ALK: variants seen among roughly 807,000 people sequenced by gnomAD.
ALK encodes the protein ALK receptor tyrosine kinase, also known as ALK tyrosine kinase receptor.
A neutral mutation model predicts 163.1 loss-of-function variants in ALK; 74 were observed. The ratio of observed to expected loss-of-function variants is 0.45; its 90% confidence interval spans 0.38 to 0.55. The LOEUF is 0.55. Ranked by LOEUF, ALK falls within the 20% of genes least tolerant of loss-of-function variation. The pLI, the probability that ALK is intolerant of heterozygous loss-of-function variation, is 0.00. For missense variants in ALK, 2,063 were observed against 2,105.3 expected, an observed-to-expected ratio of 0.98 and a Z score of 0.39; for synonymous variants, 960 against 843.2, an observed-to-expected ratio of 1.14 and a Z score of -2.40.
chr2:29,389,022 T>C (rs1669097423), intron 4 of ALK, among the ~76,000 whole-genome samples: 1 of 152,226 alleles, frequency 6.6e-6, no homozygotes, highest in Non-Finnish European at 1.5e-5. Context: ...TGCATCTTCC[T>C]GTAGGACATG....
At chr2:29,546,455 C>G (rs1395401872) in intron 3 of ALK, among the ~76,000 whole-genome samples, 1 of 152,006 alleles carries the variant, frequency 6.6e-6, no homozygotes, top group African/African-American at 2.4e-5. Context: ...GAAAGGGGAA[C>G]AAAATGAAAA....
intron 11 of ALK, among the ~76,000 whole-genome samples, chr2:29,272,910 G>C (rs780659050): frequency 1.2e-4 from 18 of 152,182 alleles, no homozygotes; most frequent in Non-Finnish European, 1.8e-4. Context: ...TTCCAGCCTT[G>C]GGGCCCTTAA....
At chr2:29,598,365 TTTTGTTTG>T (rs10623988) in intron 3 of ALK, among the ~76,000 whole-genome samples, 75 of 151,544 alleles carry the variant, frequency 4.9e-4, no homozygotes, top group Non-Finnish European at 6.3e-4. Context: ...GTTGTTTGTT[TTTTGTTTG>T]TTTGTTTGTT....
chr2:29,208,730 T>A (rs1669381705), intron 25 of ALK, among the ~76,000 whole-genome samples: 1 of 152,046 alleles, frequency 6.6e-6, no homozygotes, highest in Non-Finnish European at 1.5e-5. Flanking sequence ...TAAAGCTCCA[T>A]ATAACGATTG....
At chr2:29,765,706 A>G in intron 1 of ALK, among the ~76,000 whole-genome samples, 1 of 152,204 alleles carries the variant, frequency 6.6e-6, no homozygotes, top group Non-Finnish European at 1.5e-5. Flanking sequence ...TGAGCAAAGA[A>G]ATAACCTCTA....
intron 1 of ALK, among the ~76,000 whole-genome samples, chr2:29,893,146 C>G (rs1405130312): frequency 1.3e-5 from 2 of 152,148 alleles, no homozygotes; most frequent in African/African-American, 4.8e-5. Flanking sequence ...GGCCATAATT[C>G]TTGAATATTT....
chr2:29,867,714 C>T (rs1025317340), intron 1 of ALK, among the ~76,000 whole-genome samples: 3 of 152,188 alleles, frequency 2.0e-5, no homozygotes, highest in African/African-American at 7.2e-5. Flanking sequence ...CAAGCTTGAG[C>T]ACCCTTGTTC....
At chr2:29,236,910 C>A (rs1664401075) in intron 13 of ALK, among the ~76,000 whole-genome samples, 1 of 152,166 alleles carries the variant, frequency 6.6e-6, no homozygotes, top group Admixed American at 6.5e-5. Context: ...GCCTGTCTCC[C>A]ATCGTCCACC....
chr2:29,661,501 G>T lies in ALK; in HGVS notation c.952+33349C>A, dbSNP rs116919447. 2.3e-4 allele frequency among the ~76,000 whole-genome samples: 35 copies of T among 152,328 alleles called. No individual in the cohort carries two copies. The East Asian group carries it at 6.6e-3, about 29-fold the overall frequency. On this transcript the variant is annotated intron_variant, in intron 3 of 28. Coordinates refer to ENST00000389048, the MANE Select transcript of ALK (RefSeq NM_004304.5). ...ATGTCAATGTTGAGAGGACACGTAA[G>T]TGTGCAATCACTTTGAACTCTAACA... is the stretch of plus-strand genomic sequence containing the variant.
intron 3 of ALK, among the ~76,000 whole-genome samples, chr2:29,545,598 C>A (rs999768501): frequency 1.3e-5 from 2 of 152,160 alleles, no homozygotes; most frequent in African/African-American, 4.8e-5. Context: ...GCTTCCATAG[C>A]AGAGCTGAGC....
At chr2:29,678,336 T>G (rs879434902) in intron 3 of ALK, among the ~76,000 whole-genome samples, 18 of 151,910 alleles carry the variant, frequency 1.2e-4, no homozygotes, top group Admixed American at 2.0e-4. Context: ...CTGCATGCTT[T>G]TACATCGCAT....
rs146830535 is a variant in ALK at position 29,895,769 on chromosome 2, G to A, written c.667+24224C>T. ...CCATCTGCTTAATTACCATCTTATT[G>A]GCCAGTTTATCTGCTCTCCTAGGTC... On this transcript the variant is annotated intron_variant, in intron 1 of 28. Coordinates refer to ENST00000389048, the MANE Select transcript of ALK (RefSeq NM_004304.5). Among the ~76,000 whole-genome samples the A allele has an allele frequency of 7.2e-5, 11 of 152,116 alleles. No individual in the cohort carries two copies. In the East Asian group the frequency reaches 2.1e-3, roughly 29 times the overall value.
At chr2:29,791,632 A>AAT (rs138726243) in intron 1 of ALK, among the ~76,000 whole-genome samples, 28 of 150,716 alleles carry the variant, frequency 1.9e-4, no homozygotes, top group East Asian at 1.7e-3. Flanking sequence ...TATAATTAAA[A>AAT]ATATATATAT....
chr2:29,515,159 C>T (rs1450415585), intron 4 of ALK, among the ~76,000 whole-genome samples: 1 of 152,136 alleles, frequency 6.6e-6, no homozygotes, highest in Non-Finnish European at 1.5e-5. Flanking sequence ...CTACTTGTCA[C>T]TTCTACTCAT....
chr2:29,557,951 C>T (rs1673910637), intron 3 of ALK, among the ~76,000 whole-genome samples: 1 of 152,118 alleles, frequency 6.6e-6, no homozygotes. Context: ...ACTGAGAGCC[C>T]TTAAATCCTC....
At chr2:29,435,736 G>A (rs916953838) in intron 4 of ALK, among the ~76,000 whole-genome samples, 9 of 152,022 alleles carry the variant, frequency 5.9e-5, no homozygotes, top group African/African-American at 2.2e-4. Context: ...TGTGACAAGA[G>A]CAGCCAGCTA....
At chr2:29,455,094 G>C (rs912466289) in intron 4 of ALK, among the ~76,000 whole-genome samples, 4 of 151,982 alleles carry the variant, frequency 2.6e-5, no homozygotes, top group African/African-American at 9.7e-5. Context: ...TCACTTCTTC[G>C]CCCCATCTTT....
At chr2:29,739,034 C>T (rs1056846615) in intron 1 of ALK, among the ~76,000 whole-genome samples, 8 of 151,522 alleles carry the variant, frequency 5.3e-5, no homozygotes, top group Non-Finnish European at 1.0e-4. Context: ...ACCAGGAGTT[C>T]AAGACCAGTC....
intron 8 of ALK, among the ~76,000 whole-genome samples, chr2:29,316,052 G>C (rs1666826061): frequency 6.6e-6 from 1 of 152,164 alleles, no homozygotes; most frequent in Non-Finnish European, 1.5e-5. Flanking sequence ...TAGTCCCCCA[G>C]AGAAATGCAA....
Sources: allele counts gnomAD v4.1 joint callset (sites outside exome capture counted in the v4.1 genomes callset), GRCh38; gene constraint gnomAD v4.1.1; transcripts MANE v1.5; gene names NCBI Gene and HGNC (gene_info 2026-07-23, HGNC 2026-07-21).